Variants in UBR2 observed in about 807,000 individuals in gnomAD.
The protein encoded by UBR2 is ubiquitin protein ligase E3 component n-recognin 2, also known as E3 ubiquitin-protein ligase UBR2.
Under a neutral mutation model 247.9 loss-of-function variants are expected in UBR2, and 92 were observed. That is an observed-to-expected ratio of 0.37 (90% CI 0.31 to 0.44). The LOEUF is 0.44. UBR2 is among the 20% of genes least tolerant of loss of function. The pLI is 1.00. For missense variants in UBR2, 1,613 were observed against 2,112.6 expected (o/e 0.76, Z 4.64); for synonymous variants, 672 against 693.5 (o/e 0.97, Z 0.49).
chr6:42,591,107 C>T (rs910595697), intron 2 of UBR2, among the ~76,000 whole-genome samples: 2 of 152,170 alleles, frequency 1.3e-5, no homozygotes, highest in Non-Finnish European at 2.9e-5. Flanking sequence ...CAAAAATTAG[C>T]TGGGCATGGT....
chr6:42,638,896 T>C lies in UBR2; in HGVS notation c.1859-1313T>C, dbSNP rs1029814342. ...GGGAGGAAGCTGATGCTGATAGTTA[T>C]CTACAGTGAAAAAAGTCAGTGCTCT... On this transcript the variant is annotated intron_variant, in intron 15 of 46. Coordinates refer to ENST00000372901, the MANE Select transcript of UBR2 (RefSeq NM_001363705.2). Among the ~76,000 whole-genome samples the C allele has an allele frequency of 7.2e-5, 11 of 152,124 alleles. No individual in the cohort carries two copies. The East Asian group carries it at 7.7e-4, about 11-fold the overall frequency.
chr6:42,600,646 A>AAAAAT (rs1793303153), intron 4 of UBR2, among the ~76,000 whole-genome samples: 1 of 149,982 alleles, frequency 6.7e-6, no homozygotes, highest in South Asian at 2.1e-4. Context: ...AAAAAAAAAA[A>AAAAAT]ATTATCAGTT....
At chr6:42,644,844 TA>T (rs1427605808) in intron 20 of UBR2, among the ~76,000 whole-genome samples, 1 of 152,160 alleles carries the variant, frequency 6.6e-6, no homozygotes, top group African/African-American at 2.4e-5. Flanking sequence ...ATAGGATATT[TA>T]AGATCTATTT....
chr6:42,691,930 T>C lies in UBR2; in HGVS notation c.*757T>C. On this transcript the variant is annotated 3_prime_UTR_variant, in exon 47 of 47. Coordinates refer to ENST00000372901, the MANE Select transcript of UBR2 (RefSeq NM_001363705.2). ...AAAATTAGGATATTCTAAAAGAATA[T>C]GGATTAAAAATTTAGGATATTCTTT... 1 of 152,010 alleles carries C rather than the reference T, an allele frequency of 6.6e-6. No homozygotes were observed. Among genetic ancestry groups the C allele is most frequent in the East Asian group, 1.9e-4 (1 of 5,198 alleles). The allele number at this position is 152,010 out of a possible 1,614,324, so 9.4% of individuals were successfully genotyped here.
intron 19 of UBR2, 39 bp from the exon 20 acceptor site, chr6:42,644,434 T>C: frequency 1.3e-6 from 2 of 1,596,860 alleles, no homozygotes; most frequent in Non-Finnish European, 8.6e-7. Context: ...AATATGCATA[T>C]TCTTATCTCT....
rs767713986 is a variant in UBR2 at position 42,624,203 on chromosome 6, C to T, written c.1281+6696C>T. Among the ~76,000 whole-genome samples, 25 of 151,852 alleles carry T rather than the reference C, an allele frequency of 1.6e-4. 2 individuals are homozygous for T. The highest frequency in any genetic ancestry group is 2.1e-4 in the South Asian group (1 of 4,812). ...GCACCCAGGCCAGAGTGCAGTGGTG[C>T]GATCTCAGCTCACTGCAGCCTCAAC... On this transcript the variant is annotated intron_variant, in intron 11 of 46. Coordinates refer to ENST00000372901, the MANE Select transcript of UBR2 (RefSeq NM_001363705.2).
chr6:42,601,630 G>C (rs973372135), intron 4 of UBR2, among the ~76,000 whole-genome samples: 2 of 148,236 alleles, frequency 1.3e-5, no homozygotes, highest in Non-Finnish European at 3.0e-5. Flanking sequence ...GGACGTTACA[G>C]TGAGCCGAGA....
chr6:42,614,374 G>GTATATATGTATGTACGTACATACATA (rs1794355568), intron 8 of UBR2, among the ~76,000 whole-genome samples: 2 of 10,108 alleles, frequency 2.0e-4, no homozygotes, highest in Non-Finnish European at 4.7e-4. Context: ...GTGTGTATGT[G>GTATATATGTATGTACGTACATACATA]TGTATATATG....
chr6:42,573,267 T>A (rs1039312113), intron 1 of UBR2, among the ~76,000 whole-genome samples: 1 of 152,200 alleles, frequency 6.6e-6, no homozygotes, highest in African/African-American at 2.4e-5. Context: ...TATCAATCAT[T>A]AAGAAATGTG....
intron 2 of UBR2, among the ~76,000 whole-genome samples, chr6:42,588,336 G>A (rs1466875109): frequency 6.6e-6 from 1 of 152,218 alleles, no homozygotes; most frequent in Non-Finnish European, 1.5e-5. Flanking sequence ...CAGTCCCAGG[G>A]TGAAGTTCCA....
At chr6:42,567,934 C>G (rs1275058513) in intron 1 of UBR2, among the ~76,000 whole-genome samples, 1 of 152,014 alleles carries the variant, frequency 6.6e-6, no homozygotes, top group Non-Finnish European at 1.5e-5. Context: ...GCAGTCCTAG[C>G]TACTCAGAAG....
chr6:42,659,657 C>T lies in UBR2; in HGVS notation c.3244C>T (p.Pro1082Ser), dbSNP rs1436116541. 6 of 1,612,826 alleles carry T rather than the reference C, an allele frequency of 3.7e-6. No individual in the cohort carries two copies. The highest frequency in any genetic ancestry group is 4.2e-6 in the Non-Finnish European group (5 of 1,179,530). The change falls in exon 30 of 47, where the codon CCT (proline) becomes TCT (serine). Residue 1082 changes from proline (P) to serine (S), a missense_variant and splice_region_variant. By Grantham distance (74) the Pro-to-Ser change is moderately conservative. This residue lies in a region of UBR2 where 1,524 missense variants were observed against 1,967.3 expected (regional missense o/e 0.77). Coordinates refer to ENST00000372901, the MANE Select transcript of UBR2 (RefSeq NM_001363705.2). This position sits in a 1 kb window ranked among gnomAD's most constrained non-coding sequence, Gnocchi z 4.3. Reference protein sequence around the residue: ...ASTSAVLDHSPVASDMTLTAL... With the variant: ...ASTSAVLDHSSVASDMTLTAL... ...ATATTCATAACCTTTGTATTGCAGC[C>T]CTGTGGCTTCAGATATGACACTTAC...
chr6:42,620,041 G>A, intron 11 of UBR2: 9 of 941,188 alleles, frequency 9.6e-6, no homozygotes, highest in Non-Finnish European at 1.0e-5. Flanking sequence ...TCTTATATCT[G>A]TCTGGTCTAT....
chr6:42,672,381 T>G (rs1798498951), intron 36 of UBR2, among the ~76,000 whole-genome samples: 1 of 151,868 alleles, frequency 6.6e-6, no homozygotes, highest in Non-Finnish European at 1.5e-5. Flanking sequence ...GTCAGCAGAG[T>G]CTGACAAATT....
intron 4 of UBR2, among the ~76,000 whole-genome samples, chr6:42,596,991 T>C (rs1433082590): frequency 6.6e-6 from 1 of 152,218 alleles, no homozygotes; most frequent in African/African-American, 2.4e-5. Context: ...GTAAATGTCA[T>C]GTCATTTATT....
chr6:42,604,200 T>A (rs1466714838), intron 5 of UBR2, among the ~76,000 whole-genome samples: 1 of 152,214 alleles, frequency 6.6e-6, no homozygotes, highest in East Asian at 1.9e-4. Context: ...CATTTTTACT[T>A]AAATTATTGA....
chr6:42,609,901 A>C (rs906458530), intron 7 of UBR2, among the ~76,000 whole-genome samples: 1 of 151,584 alleles, frequency 6.6e-6, no homozygotes, highest in East Asian at 1.9e-4. Flanking sequence ...GTTACAAAAA[A>C]AAAAAAAGAA....
At chr6:42,624,143 GT>G (rs70990113) in intron 11 of UBR2, among the ~76,000 whole-genome samples, 37,452 of 151,582 alleles carry the variant, frequency 0.25, 5,028 homozygotes, top group East Asian at 0.46. Flanking sequence ...GTTTTGTTTT[GT>G]TTTGTTTGTT....
chr6:42,573,811 G>A lies in UBR2; in HGVS notation c.156G>A (p.Arg52=). 1 of 1,613,344 alleles carries A rather than the reference G, an allele frequency of 6.2e-7. No individual in the cohort carries two copies. The highest frequency in any genetic ancestry group is 8.5e-7 in the Non-Finnish European group (1 of 1,179,634). Residue 52 remains arginine, a synonymous_variant, in exon 2 of 47, where the codon AGG becomes AGA. Transcript: ENST00000372901. Reference sequence around the variant, plus strand: ...ACTATGTACCCAAAATCTACTGCAGGGGTCCCAACCCTTTTCCACAGAAAG... The same window carrying A: ...ACTATGTACCCAAAATCTACTGCAGAGGTCCCAACCCTTTTCCACAGAAAG... ...LAHYVPKIYC[R]GPNPFPQKED...
Sources: gnomAD v4.1 joint callset for allele counts (sites outside exome capture counted in the v4.1 genomes callset) on GRCh38, gnomAD v4.1.1 for gene constraint, gnomAD v4.1.1 regional missense constraint, Gnocchi (gnomAD v3.1) non-coding constraint, MANE v1.5 for transcripts, NCBI Gene and HGNC (gene_info 2026-07-23, HGNC 2026-07-21) for gene names.